Variants in CPLX2 observed in about 807,000 individuals in gnomAD.
CPLX2 encodes the protein complexin 2.
Under a neutral mutation model 16.3 loss-of-function variants are expected in CPLX2, and 5 were observed. The observed-to-expected ratio is 0.31, with a 90% confidence interval of 0.16 to 0.64. The LOEUF (loss-of-function observed/expected upper bound fraction) is 0.64, where lower values mean the gene tolerates loss of function less well. Among genes scored for constraint, CPLX2 ranks in the 30% least tolerant of loss-of-function variants. CPLX2 has a pLI of 0.79. For synonymous variants in CPLX2, 89 were observed against 73.2 expected, an observed-to-expected ratio of 1.22 and a Z score of -1.10; for missense variants, 144 against 181.4, an observed-to-expected ratio of 0.79 and a Z score of 1.18.
intron 2 of CPLX2, among the ~76,000 whole-genome samples, chr5:175,865,462 A>G (rs1236038142): frequency 6.6e-6 from 1 of 152,238 alleles, no homozygotes; most frequent in Non-Finnish European, 1.5e-5. Flanking sequence ...GGACAAGGGA[A>G]AAAGCTTTCC....
At chr5:175,831,599 T>C (rs893177850) in intron 2 of CPLX2, among the ~76,000 whole-genome samples, 22 of 152,196 alleles carry the variant, frequency 1.4e-4, no homozygotes, top group African/African-American at 5.1e-4. Flanking sequence ...CAAACCATAG[T>C]CTGCTATTGG....
intron 1 of CPLX2, among the ~76,000 whole-genome samples, chr5:175,876,788 G>C (rs1295216743): frequency 6.6e-6 from 1 of 152,184 alleles, no homozygotes; most frequent in Admixed American, 6.5e-5. Context: ...AGGAACCCAA[G>C]AGTTTCTGAA....
Position 175,833,609 on chromosome 5 carries a change from C to A in CPLX2, c.-89+24541C>A, listed in dbSNP as rs929038128. The stretch of plus-strand genomic sequence containing the variant: ...TAGGTCAAAGGCTCCAGCCCAAAGC[C>A]TAGATCCCACTCCAGGACTCTTTGA... On this transcript the variant is annotated intron_variant, in intron 2 of 4. Coordinates refer to the CPLX2 transcript ENST00000359546. Among the ~76,000 whole-genome samples the A allele has an allele frequency of 3.9e-5, 6 of 152,230 alleles. No homozygotes were observed. In the South Asian group the frequency reaches 1.2e-3, roughly 32 times the overall value.
intron 2 of CPLX2, among the ~76,000 whole-genome samples, chr5:175,860,436 GAAA>G (rs879678848): frequency 0.073 from 10,204 of 140,430 alleles, 623 homozygotes; most frequent in East Asian, 0.15. Flanking sequence ...AAGGAAGGAA[GAAA>G]GAGAAAGAAA....
intron 2 of CPLX2, among the ~76,000 whole-genome samples, chr5:175,844,235 T>G (rs1457821639): frequency 1.3e-5 from 2 of 152,208 alleles, no homozygotes; most frequent in Non-Finnish European, 1.5e-5. Flanking sequence ...CCTGGCAGTT[T>G]TGAATGTTAG....
chr5:175,810,235 T>G lies in CPLX2; in HGVS notation c.-89+1167T>G, dbSNP rs190657310. ...CACCCTTAGGGATCATCTTGTCCAA[T>G]TCCTTCATTGTGTAGGAGAGAAAAC... On this transcript the variant is annotated intron_variant, in intron 2 of 4. Coordinates refer to the CPLX2 transcript ENST00000359546. 4.8e-3 allele frequency among the ~76,000 whole-genome samples: 726 copies of G among 152,302 alleles called. 5 individuals are homozygous for G. Among genetic ancestry groups the G allele is most frequent in the South Asian group, 0.025 (121 of 4,822 alleles).
At chr5:175,870,390 T>C (rs1253141925), upstream of CPLX2, among the ~76,000 whole-genome samples, 3 of 152,142 alleles carry the variant, frequency 2.0e-5, no homozygotes, top group Non-Finnish European at 4.4e-5. Flanking sequence ...CAAAATCACA[T>C]TTCTGCAGCT....
At chr5:175,820,902 CAG>C (rs1259836963) in intron 2 of CPLX2, among the ~76,000 whole-genome samples, 1 of 152,182 alleles carries the variant, frequency 6.6e-6, no homozygotes, top group African/African-American at 2.4e-5. Flanking sequence ...AAAGCTATAA[CAG>C]AGAGGGACAG....
intron 2 of CPLX2, among the ~76,000 whole-genome samples, chr5:175,865,085 CGCGCG>C (rs1561787821): frequency 3.4e-5 from 4 of 116,374 alleles, no homozygotes; most frequent in Admixed American, 2.5e-4. Flanking sequence ...CGCATGTGCG[CGCGCG>C]CACACACACA....
At chr5:175,807,480 G>A (rs1006073386) in intron 1 of CPLX2, among the ~76,000 whole-genome samples, 1 of 152,322 alleles carries the variant, frequency 6.6e-6, no homozygotes, top group Admixed American at 6.5e-5. Context: ...CTCGTTCCCT[G>A]GGCAGACAGC....
At chr5:175,875,368 G>T (rs899945359) in intron 1 of CPLX2, among the ~76,000 whole-genome samples, 1 of 152,132 alleles carries the variant, frequency 6.6e-6, no homozygotes, top group Non-Finnish European at 1.5e-5. Context: ...CCAGGAGAGG[G>T]CTTCTTCCTC....
chr5:175,801,171 A>AAAAAC (rs1554117472), intron 1 of CPLX2, among the ~76,000 whole-genome samples: 18 of 151,142 alleles, frequency 1.2e-4, no homozygotes, highest in East Asian at 5.8e-4. Context: ...TAAAAAAAAA[A>AAAAAC]AAAAACTGGG....
At chr5:175,844,511 CAG>C (rs1315767959) in intron 2 of CPLX2, among the ~76,000 whole-genome samples, 3 of 152,186 alleles carry the variant, frequency 2.0e-5, no homozygotes, top group Non-Finnish European at 4.4e-5. Context: ...AAAAATAAAA[CAG>C]AGATTGTCAG....
At chr5:175,843,382 T>TC (rs892330156) in intron 2 of CPLX2, among the ~76,000 whole-genome samples, 5 of 152,200 alleles carry the variant, frequency 3.3e-5, no homozygotes, top group South Asian at 2.1e-4. Context: ...TGTGTGAATG[T>TC]CCCCCCAACA....
intron 2 of CPLX2, among the ~76,000 whole-genome samples, chr5:175,858,996 A>C (rs1004982119): frequency 6.6e-6 from 1 of 152,230 alleles, no homozygotes; most frequent in Non-Finnish European, 1.5e-5. Flanking sequence ...CAGAGAAGCC[A>C]CGTGATCTGA....
At chr5:175,869,909 C>G (rs933966412), upstream of CPLX2, among the ~76,000 whole-genome samples, 1 of 152,216 alleles carries the variant, frequency 6.6e-6, no homozygotes, top group Admixed American at 6.5e-5. Context: ...TGTGGAAAAA[C>G]TCCAATTGTA....
upstream of CPLX2, among the ~76,000 whole-genome samples, chr5:175,870,206 G>C (rs1004150489): frequency 1.3e-5 from 2 of 152,190 alleles, no homozygotes; most frequent in African/African-American, 4.8e-5. Context: ...CAGCCCTAAA[G>C]GAGGGGCCTT....
rs185041208 is a variant in CPLX2 at position 175,802,734 on chromosome 5, G to A, written c.-169+5950G>A. 3.7e-3 allele frequency among the ~76,000 whole-genome samples: 564 copies of A among 152,312 alleles called. 5 individuals carry two copies. Among genetic ancestry groups the A allele is most frequent in the South Asian group, 0.026 (124 of 4,824 alleles). On this transcript the variant is annotated intron_variant, in intron 1 of 4. Transcript: ENST00000359546. The stretch of plus-strand genomic sequence containing the variant: ...AGCAAGTCCCACCATCTATAAAATG[G>A]GGGTAATACCGCCAGGGCCCACTGG...
chr5:175,828,231 C>T (rs900041823), intron 2 of CPLX2, among the ~76,000 whole-genome samples: 5 of 152,106 alleles, frequency 3.3e-5, no homozygotes, highest in African/African-American at 1.2e-4. Flanking sequence ...TCTGGAAATC[C>T]GGATCTGGGT....
Sources: allele counts gnomAD v4.1 joint callset (sites outside exome capture counted in the v4.1 genomes callset), GRCh38; gene constraint gnomAD v4.1.1; transcripts MANE v1.5; gene names NCBI Gene and HGNC (gene_info 2026-07-23, HGNC 2026-07-21).